Variants in C12orf76 observed in about 807,000 individuals in gnomAD.
C12orf76 encodes the protein chromosome 12 open reading frame 76.
A neutral mutation model predicts 6.8 loss-of-function variants in C12orf76; 6 were observed. The observed-to-expected ratio is 0.88, with a 90% CI of 0.48 to 1.73. The LOEUF (loss-of-function observed/expected upper bound fraction) is 1.73, where lower values mean the gene tolerates loss of function less well. C12orf76 is among the 40% of genes most tolerant of loss of function. C12orf76 has a pLI of 0.01. For missense variants in C12orf76, 99 were observed against 98.2 expected (o/e 1.01, Z -0.03); for synonymous variants, 56 against 43.7 (o/e 1.28, Z -1.11).
chr12:110,062,180 T>TCAGGAA (rs1892782416), intron 2 of C12orf76, among the ~76,000 whole-genome samples: 1 of 152,030 alleles, frequency 6.6e-6, no homozygotes, highest in Admixed American at 6.6e-5. Context: ...AGGAGAATCG[T>TCAGGAA]TTGAACCCAG....
At chr12:110,059,152 A>C (rs1892727181) in exon 3 of C12orf76, 1 of 1,547,196 alleles carries the variant, frequency 6.5e-7, no homozygotes, top group Non-Finnish European at 8.7e-7. Flanking sequence ...TTTCCTTTTC[A>C]AATGTTCCTT....
upstream of C12orf76, among the ~76,000 whole-genome samples, chr12:110,069,158 T>G (rs150075918): frequency 1.3e-5 from 2 of 152,292 alleles, no homozygotes; most frequent in Non-Finnish European, 2.9e-5. Flanking sequence ...TCATGGCTCA[T>G]CGCCAGGCAC....
upstream of C12orf76, chr12:110,050,159 A>G: frequency 6.6e-6 from 1 of 152,232 alleles, no homozygotes; most frequent in East Asian, 1.9e-4. Context: ...TTTGCTGAAT[A>G]CATGAGGGAA....
chr12:110,043,260 TG>T (rs1566071133), intron 1 of C12orf76, among the ~76,000 whole-genome samples: 1 of 151,502 alleles, frequency 6.6e-6, no homozygotes, highest in Non-Finnish European at 1.5e-5. Context: ...AAAGGAAGGC[TG>T]GGGCTGGTCT....
chr12:110,064,757 C>T (rs116620353), intron 2 of C12orf76, among the ~76,000 whole-genome samples: 89 of 152,196 alleles, frequency 5.8e-4, no homozygotes, highest in African/African-American at 2.0e-3. Flanking sequence ...CAGTTGCAGG[C>T]CTGTGAAGAA....
chr12:110,063,600 A>ATTTT (rs574342639), intron 2 of C12orf76, among the ~76,000 whole-genome samples: 200 of 127,504 alleles, frequency 1.6e-3, no homozygotes, highest in Middle Eastern at 4.0e-3. Context: ...AGGGATTTTT[A>ATTTT]TTTTTATTTA....
upstream of C12orf76, among the ~76,000 whole-genome samples, chr12:110,071,993 T>A (rs1273462624): frequency 6.6e-6 from 1 of 152,164 alleles, no homozygotes; most frequent in Non-Finnish European, 1.5e-5. Flanking sequence ...TATATCCACA[T>A]AAAACCTTGT....
chr12:110,050,898 T>C, upstream of C12orf76: 2 of 636,608 alleles, frequency 3.1e-6, no homozygotes, highest in Non-Finnish European at 2.8e-6. Context: ...TCCTGTAACG[T>C]ATTTCTGGCA....
At chr12:110,049,560 T>C (rs1892540950), upstream of C12orf76, 3 of 152,080 alleles carry the variant, frequency 2.0e-5, no homozygotes, top group South Asian at 2.1e-4. Context: ...CTTCTTAAGG[T>C]TGGGGGAGAT....
chr12:110,062,361 A>G (rs561883724), intron 2 of C12orf76, among the ~76,000 whole-genome samples: 1 of 152,322 alleles, frequency 6.6e-6, no homozygotes, highest in South Asian at 2.1e-4. Context: ...TGTCCAGGAA[A>G]GACAAATCTA....
intron 4 of C12orf76, chr12:110,057,085 C>G: frequency 1.3e-6 from 1 of 746,336 alleles, no homozygotes; most frequent in Middle Eastern, 3.6e-4. Flanking sequence ...CCTCAGGCTG[C>G]TTGTGCTGGA....
chr12:110,071,376 T>A (rs996714801), upstream of C12orf76, among the ~76,000 whole-genome samples: 1 of 152,136 alleles, frequency 6.6e-6, no homozygotes, highest in Non-Finnish European at 1.5e-5. Flanking sequence ...AGAGGATGTA[T>A]ATAAAAATAC....
chr12:110,064,036 T>G (rs977719811), intron 2 of C12orf76, among the ~76,000 whole-genome samples: 2 of 152,186 alleles, frequency 1.3e-5, no homozygotes, highest in African/African-American at 2.4e-5. Context: ...TGTGTTAGTT[T>G]CCACCGCTGT....
upstream of C12orf76, among the ~76,000 whole-genome samples, chr12:110,052,098 G>A (rs1336513143): frequency 8.2e-5 from 12 of 146,650 alleles, no homozygotes; most frequent in Admixed American, 2.0e-4. Context: ...GGGTTTCACC[G>A]TATTGGCTAT....
upstream of C12orf76, among the ~76,000 whole-genome samples, chr12:110,052,925 G>A (rs552783744): frequency 6.6e-6 from 1 of 152,210 alleles, no homozygotes; most frequent in East Asian, 1.9e-4. Flanking sequence ...GTTCATGGCT[G>A]GGCGCAGTGG....
intron 1 of C12orf76, 30 bp from the exon 2 acceptor site, chr12:110,042,489 T>C (rs1166840489): frequency 1.4e-6 from 2 of 1,461,314 alleles, no homozygotes; most frequent in Non-Finnish European, 1.9e-6. Context: ...TACTTCCTAA[T>C]GGCAGCTCCA....
intron 3 of C12orf76, chr12:110,058,931 C>T: frequency 6.8e-7 from 1 of 1,472,788 alleles, no homozygotes; most frequent in Non-Finnish European, 9.0e-7. Flanking sequence ...TTCTTACTCC[C>T]CCCCACCAAA....
chr12:110,068,303 A>AGAAGAG (rs1892911510), upstream of C12orf76, among the ~76,000 whole-genome samples: 1 of 145,792 alleles, frequency 6.9e-6, no homozygotes, highest in African/African-American at 2.5e-5. Context: ...AAGAAGAAGA[A>AGAAGAG]GAAGAAGAAG....
At chr12:110,068,161 G>A (rs866189845), upstream of C12orf76, among the ~76,000 whole-genome samples, 41 of 151,460 alleles carry the variant, frequency 2.7e-4, no homozygotes, top group Middle Eastern at 3.4e-3. Flanking sequence ...CCAAGATCGC[G>A]CCATTGCACT....
Sources: allele counts gnomAD v4.1 joint callset (sites outside exome capture counted in the v4.1 genomes callset), GRCh38; gene constraint gnomAD v4.1.1; transcripts MANE v1.5; gene names NCBI Gene and HGNC (gene_info 2026-07-23, HGNC 2026-07-21).